The following PCDHA8 variants were observed in gnomAD, a reference collection of about 807,000 sequenced individuals.
PCDHA8 encodes the protein protocadherin alpha 8.
A neutral mutation model predicts 61.8 loss-of-function variants in PCDHA8; 53 were observed. That is an observed-to-expected ratio of 0.86 (90% CI 0.69 to 1.08). The LOEUF is 1.08. Among genes scored for constraint, PCDHA8 ranks in the 50% least tolerant of loss-of-function variants. PCDHA8 has a pLI of 0.00. For missense variants in PCDHA8, 1,293 were observed against 1,245.0 expected (o/e 1.04, Z -0.58); for synonymous variants, 618 against 556.6 (o/e 1.11, Z -1.55).
chr5:140,844,101 A>G lies in PCDHA8; in HGVS notation c.2394+386A>G, dbSNP rs981033565. Among the ~76,000 whole-genome samples, 6 of 149,238 alleles carry G rather than the reference A, an allele frequency of 4.0e-5. 1 individual carries two copies. In the South Asian group the frequency reaches 1.1e-3, roughly 26 times the overall value. On this transcript the variant is annotated intron_variant, in intron 1 of 3. Transcript: ENST00000531613. ...GGCACTGAACTCTTAATCTTACTCC[A>G]TATGCTGTACTTTGAAATGCATGTT... is the stretch of plus-strand genomic sequence containing the variant.
intron 1 of PCDHA8, among the ~76,000 whole-genome samples, chr5:140,898,839 A>C (rs2066999324): frequency 6.6e-6 from 1 of 152,280 alleles, no homozygotes; most frequent in East Asian, 1.9e-4. Flanking sequence ...ATGTTCTTCC[A>C]TTTCTTTGTA....
rs2098414886 is a variant in PCDHA8, at chr5:141,009,848, A to T, written c.2764A>T (p.Thr922Ser). 7 of 1,614,012 alleles carry T rather than the reference A, an allele frequency of 4.3e-6. No homozygotes were observed. Among genetic ancestry groups the T allele is most frequent in the Non-Finnish European group, 5.1e-6 (6 of 1,180,014 alleles). ...DFITFGKKEE[T>S]KKKKKKKKGN... ...CATAACCTTCGGCAAAAAGGAGGAGACCAAGAAAAAGAAGAAAAAGAAGAA... is the reference window on the plus strand; with the variant it reads ...CATAACCTTCGGCAAAAAGGAGGAGTCCAAGAAAAAGAAGAAAAAGAAGAA... The change falls in exon 4 of 4, where the codon ACC becomes TCC. Residue 922 changes from threonine (T) to serine (S), a missense_variant. Thr to Ser is a moderately conservative substitution (Grantham distance 58). Transcript: ENST00000531613.
intron 1 of PCDHA8, among the ~76,000 whole-genome samples, chr5:140,922,043 C>T (rs1305034895): frequency 6.6e-6 from 1 of 152,068 alleles, no homozygotes; most frequent in East Asian, 1.9e-4. Flanking sequence ...AATTTTCCCA[C>T]ATACCTTCAA....
chr5:140,870,833 A>G (rs782800341), intron 1 of PCDHA8: 3 of 1,613,654 alleles, frequency 1.9e-6, no homozygotes, highest in Admixed American at 3.3e-5. Context: ...GGCGCAGTTA[A>G]CAAGCTAGTA....
intron 1 of PCDHA8, chr5:140,875,592 A>G: frequency 6.2e-7 from 1 of 1,613,992 alleles, no homozygotes; most frequent in Non-Finnish European, 8.5e-7. Flanking sequence ...AGGAGGCCAA[A>G]CACGGCACCT....
At chr5:140,852,737 C>CGG in intron 1 of PCDHA8, 1 of 983,808 alleles carries the variant, frequency 1.0e-6, no homozygotes, top group Non-Finnish European at 1.2e-6. Context: ...GTTTCATGTG[C>CGG]CATTTAAACT....
At chr5:140,950,706 G>A (rs72802969) in intron 1 of PCDHA8, among the ~76,000 whole-genome samples, 841 of 152,058 alleles carry the variant, frequency 5.5e-3, no homozygotes, top group Middle Eastern at 0.017. Flanking sequence ...ACAAATTTTT[G>A]TTCCTTATAT....
Position 140,978,953 on chromosome 5 carries a change from G to A in PCDHA8, c.2399G>A (p.Arg800Gln), listed in dbSNP as rs781913955. The A allele has an allele frequency of 1.4e-5, 23 of 1,613,930 alleles. No homozygotes were observed. In the South Asian group the frequency reaches 2.0e-4, roughly 14 times the overall value. Residue 800 changes from arginine to glutamine, a missense_variant, in exon 2 of 4, where the codon CGA becomes CAA. Arg to Gln is a conservative substitution (Grantham distance 43, BLOSUM62 1). Transcript: ENST00000531613. ...DLNVDHGLKP[R>Q]QPNPDWRYSA... ...ACTCTCTTTGTGATTTTGCAGCCAC[G>A]ACAGCCCAACCCTGACTGGCGTTAC...
chr5:140,858,436 G>T (rs781811192), intron 1 of PCDHA8: 1 of 1,542,522 alleles, frequency 6.5e-7, no homozygotes, highest in Admixed American at 2.0e-5. Flanking sequence ...ACTCTAGGAA[G>T]GTGGGTTATT....
intron 1 of PCDHA8, among the ~76,000 whole-genome samples, chr5:140,934,787 C>A (rs1383149637): frequency 6.6e-6 from 1 of 152,096 alleles, no homozygotes; most frequent in African/African-American, 2.4e-5. Context: ...CAATCCATGT[C>A]AATTATCTTT....
chr5:140,914,771 ACTTAT>A (rs1394572780), intron 1 of PCDHA8, among the ~76,000 whole-genome samples: 1 of 151,760 alleles, frequency 6.6e-6, no homozygotes, highest in Non-Finnish European at 1.5e-5. Context: ...GAGGTTTATG[ACTTAT>A]CTTATGACCC....
rs1004548473 is a variant in PCDHA8 at position 141,011,507 on chromosome 5, G to T, written c.*1570G>T. Reference sequence around the variant, plus strand: ...CCTTTTGTACACCTGTGAAAAAGTGGAGTAGTGTTTTTTTAACCATTGTTA... The same window carrying T: ...CCTTTTGTACACCTGTGAAAAAGTGTAGTAGTGTTTTTTTAACCATTGTTA... On this transcript the variant is annotated 3_prime_UTR_variant, in exon 4 of 4. Transcript: ENST00000531613. 5.2e-5 allele frequency: 8 copies of T among 153,740 alleles called. No individual in the cohort carries two copies. The highest frequency in any genetic ancestry group is 1.9e-4 in the African/African-American group (8 of 41,440). The allele number at this position is 153,740 out of a possible 1,614,324, so 9.5% of individuals were successfully genotyped here. A position where few individuals can be genotyped will look rare whatever the true frequency, so the allele number is the denominator to read the frequency against.
chr5:140,928,128 A>C (rs782708968), intron 1 of PCDHA8: 1 of 1,614,194 alleles, frequency 6.2e-7, no homozygotes, highest in Admixed American at 1.7e-5. Context: ...GTGAATACCA[A>C]GTCCTGATCA....
intron 1 of PCDHA8, chr5:140,860,059 T>A (rs894082800): frequency 2.7e-5 from 4 of 150,452 alleles, no homozygotes; most frequent in African/African-American, 9.8e-5. Context: ...GAGGCCAAGG[T>A]GGGAGGATGG....
chr5:140,857,463 A>G (rs782545869), intron 1 of PCDHA8: 3 of 1,598,592 alleles, frequency 1.9e-6, no homozygotes, highest in Non-Finnish European at 2.6e-6. Context: ...CCAGGCTGCC[A>G]CATCTTCACG....
At chr5:140,987,941 G>A (rs1554249697) in intron 3 of PCDHA8, among the ~76,000 whole-genome samples, 1 of 152,104 alleles carries the variant, frequency 6.6e-6, no homozygotes, top group African/African-American at 2.4e-5. Flanking sequence ...ATTCTTACCT[G>A]TCTGACAAAA....
chr5:140,925,026 G>A (rs1440774987), intron 1 of PCDHA8, among the ~76,000 whole-genome samples: 1 of 151,826 alleles, frequency 6.6e-6, no homozygotes, highest in Non-Finnish European at 1.5e-5. Flanking sequence ...TGGGAGGATC[G>A]CTTGAGCCCA....
chr5:140,891,708 C>A (rs1422243783), intron 1 of PCDHA8, among the ~76,000 whole-genome samples: 1 of 152,182 alleles, frequency 6.6e-6, no homozygotes, highest in Middle Eastern at 3.4e-3. Flanking sequence ...TGAATTTGTA[C>A]CCCCAAATTC....
intron 1 of PCDHA8, chr5:140,871,048 C>T (rs1472650820): frequency 6.2e-7 from 1 of 1,613,348 alleles, no homozygotes; most frequent in Non-Finnish European, 8.5e-7. Context: ...ACTTCTAGTA[C>T]TGGTGAAGGA....
Sources: gnomAD v4.1 joint callset for allele counts (sites outside exome capture counted in the v4.1 genomes callset) on GRCh38, gnomAD v4.1.1 for gene constraint, MANE v1.5 for transcripts, NCBI Gene and HGNC (gene_info 2026-07-23, HGNC 2026-07-21) for gene names.